ZBTB8A: variants seen among roughly 807,000 people sequenced by gnomAD.
ZBTB8A encodes zinc finger and BTB domain-containing protein 8A.
ZBTB8A carries 19 observed loss-of-function variants against 37.8 expected under a neutral mutation model. That is an observed-to-expected ratio of 0.50 (90% CI 0.35 to 0.74). The LOEUF (loss-of-function observed/expected upper bound fraction) is 0.74. Among genes scored for constraint, ZBTB8A ranks in the 30% least tolerant of loss-of-function variants. The pLI, the probability that ZBTB8A is intolerant of heterozygous loss-of-function variation, is 0.01. For missense variants in ZBTB8A, 394 were observed against 537.8 expected (o/e 0.73, Z 2.65); for synonymous variants, 181 against 185.2 (o/e 0.98, Z 0.19).
chr1:32,594,122 A>C (rs1644511017), intron 3 of ZBTB8A, among the ~76,000 whole-genome samples: 1 of 151,076 alleles, frequency 6.6e-6, no homozygotes, highest in Non-Finnish European at 1.5e-5. Flanking sequence ...TGAACCCGGG[A>C]GGCGGAGGTT....
chr1:32,585,259 C>T (rs1321357809), intron 2 of ZBTB8A, among the ~76,000 whole-genome samples: 1 of 151,820 alleles, frequency 6.6e-6, no homozygotes, highest in Non-Finnish European at 1.5e-5. Flanking sequence ...AGCGATTCTC[C>T]CAACTTGGCC....
At chr1:32,597,319 G>T (rs187569531) in intron 4 of ZBTB8A, among the ~76,000 whole-genome samples, 5 of 152,060 alleles carry the variant, frequency 3.3e-5, no homozygotes, top group African/African-American at 1.2e-4. Flanking sequence ...GATATCATAT[G>T]GTCTCAGGAA....
intron 2 of ZBTB8A, among the ~76,000 whole-genome samples, chr1:32,580,640 T>A (rs535699927): frequency 6.6e-6 from 1 of 152,020 alleles, no homozygotes; most frequent in Non-Finnish European, 1.5e-5. Context: ...CAAATTGATA[T>A]AGTGTTTTCG....
intron 2 of ZBTB8A, among the ~76,000 whole-genome samples, chr1:32,556,252 T>C (rs1313357931): frequency 6.6e-6 from 1 of 152,044 alleles, no homozygotes; most frequent in Non-Finnish European, 1.5e-5. Context: ...ATATTTTTAG[T>C]AGAGACAGGG....
intron 2 of ZBTB8A, among the ~76,000 whole-genome samples, chr1:32,582,731 A>G (rs984767133): frequency 6.6e-5 from 10 of 152,014 alleles, no homozygotes; most frequent in Admixed American, 6.6e-4. Flanking sequence ...CTTGTTCCGC[A>G]CTTGTCTGAC....
chr1:32,600,243 GAAC>G lies in ZBTB8A; in HGVS notation c.1155_1157del (p.Gln385del). 1 of 1,614,102 alleles carries G rather than the reference GAAC, an allele frequency of 6.2e-7. No individual in the cohort carries two copies. Among genetic ancestry groups the G allele is most frequent in the Non-Finnish European group, 8.5e-7 (1 of 1,179,998 alleles). On this transcript the variant is annotated inframe_deletion, in exon 5 of 5. Transcript: ENST00000373510. Reference sequence around the variant, plus strand: ...CAGCCTCCCCATTGACTTGGAAGCTGAACAACATCTTATGTCCCCATCAGATGG... The same window carrying G: ...CAGCCTCCCCATTGACTTGGAAGCTGAACATCTTATGTCCCCATCAGATGG...
intron 2 of ZBTB8A, among the ~76,000 whole-genome samples, chr1:32,570,682 T>C (rs1018999135): frequency 1.3e-5 from 2 of 152,172 alleles, no homozygotes; most frequent in African/African-American, 4.8e-5. Context: ...TTGTTTAAAA[T>C]TTTTATTTTC....
intron 1 of ZBTB8A, among the ~76,000 whole-genome samples, chr1:32,549,768 A>ACCCCTGAACTT (rs1012135233): frequency 2.6e-5 from 4 of 151,982 alleles, no homozygotes; most frequent in Admixed American, 2.6e-4. Flanking sequence ...CAACCCTGCT[A>ACCCCTGAACTT]CCCCTGAACT....
At chr1:32,553,886 CAAAAAAAAAAA>C (rs34338542) in intron 2 of ZBTB8A, among the ~76,000 whole-genome samples, 3 of 77,130 alleles carry the variant, frequency 3.9e-5, no homozygotes, top group Admixed American at 1.5e-4. Flanking sequence ...AACTCTGTCT[CAAAAAAAAAAA>C]AAAAAAAAGG....
chr1:32,555,828 G>A (rs554850440), intron 2 of ZBTB8A, among the ~76,000 whole-genome samples: 3 of 151,956 alleles, frequency 2.0e-5, no homozygotes, highest in Admixed American at 2.0e-4. Context: ...AACCAAAGTT[G>A]TTGCTTTTCT....
At position 32,601,867 on chromosome 1, in the gene ZBTB8A, T is replaced by A. The variant is rs943662718; in HGVS notation, c.*1448T>A. On this transcript the variant is annotated 3_prime_UTR_variant, in exon 5 of 5. Coordinates refer to ENST00000373510, the MANE Select transcript of ZBTB8A (RefSeq NM_001040441.3). ...GATTTTCAAATAATGCTAAGTAATG[T>A]CCCTACAGTACCTATTGGTATGTTT... The A allele has an allele frequency of 1.3e-5, 5 of 394,594 alleles. No individual in the cohort carries two copies. Among genetic ancestry groups the A allele is most frequent in the African/African-American group, 2.1e-5 (1 of 48,578 alleles). 24.4% of individuals were successfully genotyped at this position (394,594 alleles called of 1,614,324 possible).
chr1:32,566,290 G>C (rs927083799), intron 2 of ZBTB8A, among the ~76,000 whole-genome samples: 1 of 152,012 alleles, frequency 6.6e-6, no homozygotes, highest in Non-Finnish European at 1.5e-5. Context: ...AAGGTAGTTG[G>C]ATCACTTGAG....
chr1:32,554,460 T>A (rs865796034), intron 2 of ZBTB8A, among the ~76,000 whole-genome samples: 3 of 134,926 alleles, frequency 2.2e-5, no homozygotes, highest in Non-Finnish European at 4.7e-5. Context: ...CATTTTAATC[T>A]TTTATTTATT....
chr1:32,593,402 A>T lies in ZBTB8A; in HGVS notation c.471A>T (p.Glu157Asp). The change falls in exon 3 of 5, where the codon GAA (glutamate) becomes GAT (aspartate). Residue 157 changes from glutamate (E) to aspartate (D), a missense_variant. Glu to Asp is a conservative substitution (Grantham distance 45). This residue lies in a region of ZBTB8A where 171 missense variants were observed against 186.8 expected (regional missense o/e 0.92). Transcript: ENST00000373510. The stretch of plus-strand genomic sequence containing the variant: ...CTTTTTATAGTGGTGGCTGGCAAGA[A>T]GGAAGCAGTTCTCCACGTTCTCACC... Reference protein sequence around the residue: ...RSSFYSGGWQEGSSSPRSHLS... With the variant: ...RSSFYSGGWQDGSSSPRSHLS... 1 of 1,614,126 alleles carries T rather than the reference A, an allele frequency of 6.2e-7. No homozygotes were observed. The highest frequency in any genetic ancestry group is 8.5e-7 in the Non-Finnish European group (1 of 1,180,036).
At chr1:32,555,260 G>T (rs1644192447) in intron 2 of ZBTB8A, among the ~76,000 whole-genome samples, 1 of 152,068 alleles carries the variant, frequency 6.6e-6, no homozygotes, top group Admixed American at 6.6e-5. Flanking sequence ...GTGGTGGCAG[G>T]CGCCTGTAGT....
intron 2 of ZBTB8A, among the ~76,000 whole-genome samples, chr1:32,555,774 A>G (rs1315111365): frequency 1.3e-5 from 2 of 152,190 alleles, no homozygotes; most frequent in Admixed American, 6.6e-5. Context: ...CCTCCTGTCC[A>G]TATCTACCTG....
chr1:32,591,837 T>TTTTG (rs1042192917), intron 2 of ZBTB8A, among the ~76,000 whole-genome samples: 51 of 152,122 alleles, frequency 3.4e-4, no homozygotes, highest in Admixed American at 1.4e-3. Context: ...TTTTTTTGTT[T>TTTTG]TTTGTTTGTT....
chr1:32,555,623 C>G (rs141371606), intron 2 of ZBTB8A, among the ~76,000 whole-genome samples: 2 of 152,168 alleles, frequency 1.3e-5, no homozygotes. Flanking sequence ...ATGGGCAATC[C>G]TCCAGGTTCC....
chr1:32,539,946 G>A (rs886897173), intron 1 of ZBTB8A, among the ~76,000 whole-genome samples: 12 of 151,028 alleles, frequency 7.9e-5, no homozygotes, highest in East Asian at 3.9e-4. Context: ...GAGCAAAGAC[G>A]GGCGGCCGCC....
Sources: allele counts gnomAD v4.1 joint callset (sites outside exome capture counted in the v4.1 genomes callset), GRCh38; gene constraint gnomAD v4.1.1; regional missense constraint gnomAD v4.1.1; transcripts MANE v1.5; gene names NCBI Gene and HGNC (gene_info 2026-07-23, HGNC 2026-07-21).